GNB5: variants seen among roughly 807,000 people sequenced by gnomAD.
GNB5 encodes the protein guanine nucleotide-binding protein subunit beta-5.
GNB5 carries 37 observed loss-of-function variants against 55.3 expected under a neutral mutation model. That is an observed-to-expected ratio of 0.67 (90% CI 0.51 to 0.88). GNB5 has a LOEUF of 0.88. Among genes scored for constraint, GNB5 ranks in the 40% least tolerant of loss-of-function variants. The probability of loss-of-function intolerance (pLI) is 0.00; values close to 1 mark genes in which losing one functional copy is unlikely to be tolerated. For missense variants in GNB5, 476 were observed against 515.3 expected, an observed-to-expected ratio of 0.92 and a Z score of 0.74; for synonymous variants, 219 against 198.5, an observed-to-expected ratio of 1.10 and a Z score of -0.87.
At chr15:52,164,308 T>TAAAAAAAAA (rs56029917) in intron 3 of GNB5, among the ~76,000 whole-genome samples, 94 of 50,420 alleles carry the variant, frequency 1.9e-3, no homozygotes, top group African/African-American at 6.2e-3. Flanking sequence ...GACTCTGTCT[T>TAAAAAAAAA]AAAAAAAAAA....
Position 52,124,576 on chromosome 15 carries a change from G to C in GNB5, c.1073C>G (p.Ser358Cys), listed in dbSNP as rs753833391. 47 of 1,613,748 alleles carry C rather than the reference G, an allele frequency of 2.9e-5. No individual in the cohort carries two copies. In the East Asian group the frequency reaches 1.0e-3, roughly 36 times the overall value. Reference protein sequence around the residue: ...TINVWDVLKGSRVSILFGHEN... With the variant: ...TINVWDVLKGCRVSILFGHEN... ...ATGTCCAAACAGGATGGAGACCCGG[G>C]ACCCTTTGAGAACATCCCAGACGTT... is the stretch of plus-strand genomic sequence containing the variant. Residue 358 changes from serine to cysteine, a missense_variant, in exon 12 of 13, where the codon TCC becomes TGC. Transcript: ENST00000261837.
intron 2 of GNB5, among the ~76,000 whole-genome samples, chr15:52,183,569 A>G (rs2034804067): frequency 6.6e-6 from 1 of 152,222 alleles, no homozygotes; most frequent in African/African-American, 2.4e-5. Context: ...TAATGTAATC[A>G]TGGTCAGGGG....
Position 52,135,891 on chromosome 15 carries a change from A to ACACACACC in GNB5, c.628-136_628-135insGGTGTGTG. On this transcript the variant is annotated intron_variant, in intron 7 of 12. Transcript: ENST00000261837. ...CACACACACACACACACACACACAC[A>ACACACACC]CACCCTACCTGCTGTATCTGGGTTC... 3 of 701,770 alleles carry ACACACACC rather than the reference A, an allele frequency of 4.3e-6. No individual in the cohort carries two copies. In the African/African-American group the frequency reaches 5.8e-5, roughly 14 times the overall value. 43.5% of individuals were successfully genotyped at this position (701,770 alleles called of 1,614,324 possible). A position where few individuals can be genotyped will look rare whatever the true frequency, so the allele number is the denominator to read the frequency against.
chr15:52,163,498 T>C (rs929801093), intron 3 of GNB5, among the ~76,000 whole-genome samples: 7 of 152,098 alleles, frequency 4.6e-5, no homozygotes, highest in South Asian at 4.1e-4. Flanking sequence ...GGTGGACGTG[T>C]AGGAGGGACA....
intron 3 of GNB5, 75 bp downstream of exon 3, chr15:52,179,693 C>T: frequency 5.7e-6 from 5 of 869,958 alleles, no homozygotes; most frequent in South Asian, 5.4e-5. Context: ...ACCGCCCCCA[C>T]CGCCCCCGCC....
chr15:52,128,408 T>G, intron 9 of GNB5, 164 bp from the exon 10 acceptor site: 4 of 625,958 alleles, frequency 6.4e-6, no homozygotes, highest in East Asian at 5.5e-5. Context: ...CACTGATCTC[T>G]AGTTTTCTTC....
chr15:52,179,902 G>A, intron 2 of GNB5, 23 bp from the exon 3 acceptor site: 1 of 1,501,834 alleles, frequency 6.7e-7, no homozygotes, highest in Non-Finnish European at 8.9e-7. Context: ...ACGCAGCGGA[G>A]AGGGAAGCGG....
Position 52,148,734 on chromosome 15 carries a change from T to A in GNB5, c.417+1150A>T, listed in dbSNP as rs771149040. Among the ~76,000 whole-genome samples the A allele has an allele frequency of 5.6e-4, 85 of 152,316 alleles. No homozygotes were observed. In the Middle Eastern group the frequency reaches 0.014, roughly 24 times the overall value. On this transcript the variant is annotated intron_variant, in intron 5 of 12. Transcript: ENST00000261837. ...TTTTGTGGGGAAACACAGGCCCCAA[T>A]ACTGTCTGCCCAAATACTATTGTCG...
chr15:52,165,060 A>G (rs1316789718), intron 3 of GNB5, among the ~76,000 whole-genome samples: 2 of 152,238 alleles, frequency 1.3e-5, no homozygotes, highest in African/African-American at 4.8e-5. Flanking sequence ...GAATGTCACG[A>G]TGCAATCACA....
rs918731270 is a variant in GNB5 at position 52,116,591 on chromosome 15, A to C, written c.*6166T>G. ...TCTATCATTTGTGTTGGGAATGTGA[A>C]AGTTGTTAGAATTCAAATAGAGTCA... On this transcript the variant is annotated 3_prime_UTR_variant, in exon 13 of 13. Transcript: ENST00000261837. 6.6e-6 allele frequency: 1 copy of C among 152,136 alleles called. No homozygotes were observed. Among genetic ancestry groups the C allele is most frequent in the African/African-American group, 2.4e-5 (1 of 41,418 alleles). 9.4% of individuals were successfully genotyped at this position (152,136 alleles called of 1,614,324 possible).
At position 52,120,747 on chromosome 15, in the gene GNB5, T is replaced by A. The variant is rs2033247098; in HGVS notation, c.*2010A>T. On this transcript the variant is annotated 3_prime_UTR_variant, in exon 13 of 13. Coordinates refer to ENST00000261837, the MANE Select transcript of GNB5 (RefSeq NM_016194.4). The stretch of plus-strand genomic sequence containing the variant: ...GGAATCCCATGGTGCCCTGACCCCT[T>A]CAGCACCTGGCAGGAGCTGGCCAGA... 1.3e-5 allele frequency: 2 copies of A among 152,214 alleles called. No individual in the cohort carries two copies. The allele number at this position is 152,214 out of a possible 1,614,324, so 9.4% of individuals were successfully genotyped here.
At position 52,128,195 on chromosome 15, in the gene GNB5, C is replaced by A. The variant is rs747673876; in HGVS notation, c.912+1G>T. ...AAGCTCTCAAAAACTTAGAAACATA[C>A]CGTAGCGTCATCTGACCCTGAAGCA... On this transcript the variant is annotated splice_donor_variant, in intron 10 of 12. Transcript: ENST00000261837. LOFTEE classifies it high-confidence loss of function. 2 of 1,601,656 alleles carry A rather than the reference C, an allele frequency of 1.2e-6. No individual in the cohort carries two copies. The highest frequency in any genetic ancestry group is 2.2e-5 in the East Asian group (1 of 44,814).
intron 7 of GNB5, among the ~76,000 whole-genome samples, chr15:52,136,170 A>ACACACACACC (rs2033714469): frequency 8.7e-6 from 1 of 114,374 alleles, no homozygotes; most frequent in East Asian, 2.3e-4. Flanking sequence ...ACACACACAC[A>ACACACACACC]CACCCTACCT....
intron 3 of GNB5, among the ~76,000 whole-genome samples, chr15:52,169,152 C>T (rs574532497): frequency 6.6e-6 from 1 of 152,146 alleles, no homozygotes; most frequent in East Asian, 1.9e-4. Flanking sequence ...GGTGAAACCC[C>T]GTCTCTACTA....
intron 1 of GNB5, among the ~76,000 whole-genome samples, chr15:52,186,049 G>A (rs1877511224): frequency 6.6e-6 from 1 of 152,158 alleles, no homozygotes; most frequent in African/African-American, 2.4e-5. Flanking sequence ...GAAGTGCTGG[G>A]ATTACAGACA....
Position 52,117,102 on chromosome 15 carries a change from A to ATATATATATATATATATATTTTTTT in GNB5, c.*5654_*5655insAAAAAAATATATATATATATATATA. On this transcript the variant is annotated 3_prime_UTR_variant, in exon 13 of 13. Transcript: ENST00000261837. ...CCACGCCCAGCTAATATATATATAT[A>ATATATATATATATATATATTTTTTT]TTTTTTTTTAGTACAGACAGGGTTT... 4.6e-5 allele frequency: 4 copies of ATATATATATATATATATATTTTTTT among 87,100 alleles called. No individual in the cohort carries two copies. The highest frequency in any genetic ancestry group is 2.4e-4 in the African/African-American group (4 of 16,418). 5.4% of individuals were successfully genotyped at this position (87,100 alleles called of 1,614,324 possible).
intron 3 of GNB5, 115 bp downstream of exon 3, chr15:52,179,652 TG>T (rs1347246425): frequency 2.0e-6 from 1 of 500,744 alleles, no homozygotes. Flanking sequence ...TCCCGGGCGG[TG>T]GCGCGGGCCT....
At chr15:52,146,733 T>A (rs1830424572) in intron 6 of GNB5, among the ~76,000 whole-genome samples, 1 of 131,346 alleles carries the variant, frequency 7.6e-6, no homozygotes, top group South Asian at 2.6e-4. Flanking sequence ...CCCAGCTAAT[T>A]AGATTTTTTT....
intron 3 of GNB5, among the ~76,000 whole-genome samples, chr15:52,171,380 C>G (rs1441623949): frequency 6.6e-6 from 1 of 152,060 alleles, no homozygotes; most frequent in Non-Finnish European, 1.5e-5. Flanking sequence ...CTATGAAATA[C>G]ATGAAAATAT....
Sources: allele counts gnomAD v4.1 joint callset (sites outside exome capture counted in the v4.1 genomes callset), GRCh38; gene constraint gnomAD v4.1.1; transcripts MANE v1.5; gene names NCBI Gene and HGNC (gene_info 2026-07-23, HGNC 2026-07-21).